Variants in RIC1 observed in about 807,000 individuals in gnomAD.
RIC1 encodes RIC1 partner of RAB6A GEF complex, also known as guanine nucleotide exchange factor subunit RIC1.
RIC1 carries 88 observed loss-of-function variants against 169.0 expected under a neutral mutation model. The observed-to-expected ratio is 0.52, with a 90% CI of 0.44 to 0.62. RIC1 has a LOEUF of 0.62. RIC1 is among the 20% of genes least tolerant of loss of function. The probability of loss-of-function intolerance (pLI) is 0.00; values close to 1 mark genes in which losing one functional copy is unlikely to be tolerated. For synonymous variants in RIC1, 790 were observed against 601.5 expected, an observed-to-expected ratio of 1.31 and a Z score of -4.59; for missense variants, 1,877 against 1,725.5, an observed-to-expected ratio of 1.09 and a Z score of -1.56.
chr9:5,631,602 G>A (rs1048445678), intron 1 of RIC1, among the ~76,000 whole-genome samples: 17 of 149,806 alleles, frequency 1.1e-4, no homozygotes, highest in Admixed American at 2.0e-4. Context: ...CAGGAGAATC[G>A]CTTGAACCCA....
At chr9:5,663,911 T>A (rs986031057) in intron 2 of RIC1, among the ~76,000 whole-genome samples, 17 of 152,220 alleles carry the variant, frequency 1.1e-4, no homozygotes, top group Non-Finnish European at 1.3e-4. Context: ...CTGATCTGTT[T>A]ACTTCAGTGT....
chr9:5,700,008 T>C (rs1225188336), intron 3 of RIC1, among the ~76,000 whole-genome samples: 1 of 150,744 alleles, frequency 6.6e-6, no homozygotes, highest in Non-Finnish European at 1.5e-5. Flanking sequence ...AAGAAAAAAA[T>C]TCCTACTTTT....
At chr9:5,646,952 T>C (rs1818549240) in intron 1 of RIC1, among the ~76,000 whole-genome samples, 1 of 152,142 alleles carries the variant, frequency 6.6e-6, no homozygotes, top group South Asian at 2.1e-4. Flanking sequence ...GTCTTCTGTT[T>C]AGAGTTTTGA....
intron 3 of RIC1, 25 bp from the exon 4 acceptor site, chr9:5,713,871 T>G: frequency 6.4e-7 from 1 of 1,552,808 alleles, no homozygotes; most frequent in Non-Finnish European, 8.9e-7. Context: ...AGCATCTTTC[T>G]TTAACTCTAT....
chr9:5,718,172 G>C (rs1391919063), intron 4 of RIC1, among the ~76,000 whole-genome samples: 2 of 130,200 alleles, frequency 1.5e-5, no homozygotes, highest in Non-Finnish European at 3.2e-5. Flanking sequence ...AAAAAGTTCA[G>C]TTCTTGCTTA....
intron 2 of RIC1, among the ~76,000 whole-genome samples, chr9:5,688,186 T>G (rs547953167): frequency 9.0e-5 from 7 of 77,752 alleles, no homozygotes; most frequent in African/African-American, 2.2e-4. Flanking sequence ...TGCATTGTTT[T>G]GATTGGTTGA....
intron 3 of RIC1, among the ~76,000 whole-genome samples, chr9:5,694,459 C>T (rs989747058): frequency 6.6e-6 from 1 of 152,148 alleles, no homozygotes; most frequent in Admixed American, 6.5e-5. Context: ...TCTGCTTGAG[C>T]CTCTGAAAAC....
chr9:5,648,172 C>T (rs972293978), intron 1 of RIC1, among the ~76,000 whole-genome samples: 4 of 152,018 alleles, frequency 2.6e-5, no homozygotes, highest in African/African-American at 9.7e-5. Flanking sequence ...TTAGTAGAGA[C>T]AGGGTTTTGC....
intron 1 of RIC1, among the ~76,000 whole-genome samples, chr9:5,642,019 G>A (rs1432143527): frequency 6.9e-6 from 1 of 144,034 alleles, no homozygotes; most frequent in African/African-American, 2.9e-5. Context: ...AAAGAGGTAG[G>A]TATTTATTGT....
At position 5,746,089 on chromosome 9, in the gene RIC1, T is replaced by C; in HGVS notation, c.1248+6T>C. On this transcript the variant is annotated splice_donor_region_variant and intron_variant, in intron 11 of 25. Transcript: ENST00000414202. The stretch of plus-strand genomic sequence containing the variant: ...TCACTGTAAACCCTTGTATGGTAAG[T>C]ATATTTAAAGCTCTGATTTTTTAGT... 5 of 1,602,786 alleles carry C rather than the reference T, an allele frequency of 3.1e-6. No individual in the cohort carries two copies. The highest frequency in any genetic ancestry group is 4.3e-6 in the Non-Finnish European group (5 of 1,172,020).
Position 5,713,933 on chromosome 9 carries a change from G to A in RIC1, c.370G>A (p.Glu124Lys), listed in dbSNP as rs755974165. The A allele has an allele frequency of 6.2e-7, 1 of 1,613,216 alleles. No homozygotes were observed. The highest frequency in any genetic ancestry group is 1.1e-5 in the South Asian group (1 of 91,032). Residue 124 changes from glutamate (E) to lysine (K), a missense_variant, in exon 4 of 26, where the codon GAA becomes AAA. Physicochemically the swap from Glu to Lys is moderately conservative, Grantham distance 56 (BLOSUM62 1). Transcript: ENST00000414202. ...AATGAAGGGGACACCCCATTTTAAGGAAGAACAGTGTGCTCCAGCATTAAA... is the reference window on the plus strand; with the variant it reads ...AATGAAGGGGACACCCCATTTTAAGAAAGAACAGTGTGCTCCAGCATTAAA... The part of the protein sequence containing the change: ...PQMKGTPHFK[E>K]EQCAPALNLE...
intron 7 of RIC1, among the ~76,000 whole-genome samples, chr9:5,735,463 G>A (rs541913917): frequency 6.6e-6 from 1 of 152,338 alleles, no homozygotes; most frequent in East Asian, 1.9e-4. Flanking sequence ...ACATGATTGG[G>A]AAGTACTAGC....
chr9:5,752,665 A>T (rs1354624545), intron 12 of RIC1, among the ~76,000 whole-genome samples: 1 of 152,160 alleles, frequency 6.6e-6, no homozygotes, highest in African/African-American at 2.4e-5. Context: ...CAAACTCCTG[A>T]CCTCAGGTGA....
chr9:5,655,385 C>G (rs1364122022), intron 1 of RIC1, among the ~76,000 whole-genome samples: 1 of 152,086 alleles, frequency 6.6e-6, no homozygotes, highest in East Asian at 1.9e-4. Context: ...ACTGCAACCT[C>G]CACCTCTCAG....
intron 2 of RIC1, among the ~76,000 whole-genome samples, chr9:5,686,513 A>G (rs1190423837): frequency 1.3e-5 from 2 of 151,918 alleles, no homozygotes; most frequent in East Asian, 3.9e-4. Flanking sequence ...CATTCTCAGT[A>G]AACTATCACA....
intron 2 of RIC1, among the ~76,000 whole-genome samples, chr9:5,686,749 C>T (rs1433748006): frequency 1.3e-5 from 2 of 151,648 alleles, no homozygotes; most frequent in Non-Finnish European, 2.9e-5. Flanking sequence ...GCACAATGTG[C>T]ACATGTACCC....
chr9:5,760,326 G>A (rs974187576), intron 17 of RIC1, among the ~76,000 whole-genome samples: 1 of 152,158 alleles, frequency 6.6e-6, no homozygotes, highest in African/African-American at 2.4e-5. Context: ...GCTTGAGAGT[G>A]CTGTTGCAGT....
In RIC1 at chr9:5,693,771, A is replaced by G. The variant is rs892689606; in HGVS notation, c.332+3733A>G. 2.3e-4 allele frequency among the ~76,000 whole-genome samples: 35 copies of G among 152,280 alleles called. No individual in the cohort carries two copies. The East Asian group carries it at 5.0e-3, about 22-fold the overall frequency. ...TCATGTTTAATTTCAGCATAATGAA[A>G]AAAATTTAAACAAATATGTCATCAT... On this transcript the variant is annotated intron_variant, in intron 3 of 25. Transcript: ENST00000414202.
chr9:5,703,232 G>T (rs1822346573), intron 3 of RIC1, among the ~76,000 whole-genome samples: 1 of 152,168 alleles, frequency 6.6e-6, no homozygotes, highest in Admixed American at 6.5e-5. Context: ...TACAGACATT[G>T]GTTAATACTC....
Sources: allele counts gnomAD v4.1 joint callset (sites outside exome capture counted in the v4.1 genomes callset), GRCh38; gene constraint gnomAD v4.1.1; transcripts MANE v1.5; gene names NCBI Gene and HGNC (gene_info 2026-07-23, HGNC 2026-07-21).